The following PRLR variants were observed in gnomAD, a reference collection of about 807,000 sequenced individuals.
The protein encoded by PRLR is hPRL receptor.
In PRLR, 13 loss-of-function variants were observed where a neutral mutation model predicts 40.2. That is an observed-to-expected ratio of 0.32 (90% CI 0.21 to 0.51). The LOEUF (loss-of-function observed/expected upper bound fraction) is 0.51, where lower values mean the gene tolerates loss of function less well. Ranked by LOEUF, PRLR falls within the 20% of genes least tolerant of loss-of-function variation. The probability of loss-of-function intolerance (pLI) is 0.97; values close to 1 mark genes in which losing one functional copy is unlikely to be tolerated. For missense variants in PRLR, 656 were observed against 747.3 expected (o/e 0.88, Z 1.42); for synonymous variants, 269 against 278.7 (o/e 0.97, Z 0.35).
intron 1 of PRLR, among the ~76,000 whole-genome samples, chr5:35,164,109 A>C (rs1774753310): frequency 6.6e-6 from 1 of 152,232 alleles, no homozygotes; most frequent in Admixed American, 6.5e-5. Flanking sequence ...GCTTGGAATA[A>C]TTCTTCAGAT....
At position 35,230,451 on chromosome 5, in the gene PRLR, C is replaced by T. The variant is rs565242602; in HGVS notation, c.-289G>A. The T allele has an allele frequency of 6.6e-6, 1 of 152,460 alleles. No individual in the cohort carries two copies. Among genetic ancestry groups the T allele is most frequent in the Non-Finnish European group, 1.5e-5 (1 of 68,082 alleles). The allele number at this position is 152,460 out of a possible 1,614,324, so 9.4% of individuals were successfully genotyped here. ...GCGTCTGGGGATTTCAGCCTCCGCT[C>T]CCCGGTCCCCAGCCCGGTGGCTCTG... is the stretch of plus-strand genomic sequence containing the variant. On this transcript the variant is annotated 5_prime_UTR_variant, in exon 1 of 10. Transcript: ENST00000618457.
At chr5:35,172,272 C>T (rs899456400) in intron 1 of PRLR, among the ~76,000 whole-genome samples, 4 of 152,200 alleles carry the variant, frequency 2.6e-5, no homozygotes, top group African/African-American at 9.6e-5. Flanking sequence ...CTTCACCCTT[C>T]CTGACCTGCA....
chr5:35,053,518 T>C (rs1374282502), downstream of PRLR, among the ~76,000 whole-genome samples: 4 of 152,116 alleles, frequency 2.6e-5, no homozygotes, highest in Admixed American at 1.3e-4. Flanking sequence ...CTGGGTGTGG[T>C]GGTGTGGGCC....
intron 3 of PRLR, among the ~76,000 whole-genome samples, chr5:35,088,006 G>C (rs562458659): frequency 5.3e-5 from 8 of 152,320 alleles, no homozygotes; most frequent in Non-Finnish European, 7.3e-5. Context: ...CAGGCTCCAA[G>C]GCCAGAGTTT....
At chr5:35,126,430 G>C (rs961378228) in intron 1 of PRLR, among the ~76,000 whole-genome samples, 1 of 152,126 alleles carries the variant, frequency 6.6e-6, no homozygotes, top group Non-Finnish European at 1.5e-5. Context: ...ATCGGTTTTG[G>C]TGACATTATT....
At chr5:35,228,230 T>G (rs200415618) in intron 1 of PRLR, among the ~76,000 whole-genome samples, 3 of 49,736 alleles carry the variant, frequency 6.0e-5, no homozygotes, top group East Asian at 3.8e-4. Context: ...CCAACAACCA[T>G]GCAAAAAAAA....
rs1561253488 is a variant in PRLR at position 35,061,128 on chromosome 5, A to ATATC, written c.*3960_*3961insGATA. On this transcript the variant is annotated 3_prime_UTR_variant, in exon 10 of 10. Transcript: ENST00000618457. ...TACATATCTATATCTATATCTATAT[A>ATATC]TATATATAATCCCTATAAGGCAAAT... 1 of 151,984 alleles carries ATATC rather than the reference A, an allele frequency of 6.6e-6. No individual in the cohort carries two copies. The highest frequency in any genetic ancestry group is 1.5e-5 in the Non-Finnish European group (1 of 68,012). 9.4% of individuals were successfully genotyped at this position (151,984 alleles called of 1,614,324 possible). A position where few individuals can be genotyped will look rare whatever the true frequency, so the allele number is the denominator to read the frequency against.
At chr5:35,102,987 T>TA (rs548673310) in intron 2 of PRLR, among the ~76,000 whole-genome samples, 3 of 152,228 alleles carry the variant, frequency 2.0e-5, no homozygotes, top group Non-Finnish European at 4.4e-5. Flanking sequence ...TGATGTGAAT[T>TA]AAAAAACCCA....
intron 1 of PRLR, among the ~76,000 whole-genome samples, chr5:35,207,786 A>G (rs1466540154): frequency 2.0e-5 from 3 of 152,194 alleles, no homozygotes; most frequent in Non-Finnish European, 4.4e-5. Flanking sequence ...ACACACACGT[A>G]TGCTTTTGTG....
At position 35,089,593 on chromosome 5, in the gene PRLR, C is replaced by T. The variant is rs760520393; in HGVS notation, c.28G>A (p.Val10Ile). The change falls in exon 3 of 10, where the codon GTT (valine) becomes ATT (isoleucine). Residue 10 changes from valine (V) to isoleucine (I), a missense_variant. Val to Ile is a conservative substitution (Grantham distance 29). Around this residue, in one of 3 missense-constraint regions of PRLR, gnomAD observed 180 missense variants for 236.8 expected, o/e 0.76. Transcript: ENST00000618457. ...TTGAGAAAAAGTAGCAGAGTGAAAACGGTTGCAGATGCCACATTTTCCTTC... is the reference window on the plus strand; with the variant it reads ...TTGAGAAAAAGTAGCAGAGTGAAAATGGTTGCAGATGCCACATTTTCCTTC... MKENVASATVFTLLLFLNTC... is the reference protein window; with the variant it reads MKENVASATIFTLLLFLNTC... The T allele has an allele frequency of 8.7e-6, 14 of 1,613,882 alleles. No homozygotes were observed. The highest frequency in any genetic ancestry group is 1.6e-4 in the Middle Eastern group (1 of 6,084).
intron 7 of PRLR, among the ~76,000 whole-genome samples, 194 bp downstream of exon 7, chr5:35,069,930 G>A (rs184031618): frequency 6.6e-6 from 1 of 152,204 alleles, no homozygotes; most frequent in South Asian, 2.1e-4. Flanking sequence ...TCCTAAAATT[G>A]TTCTCCATTG....
At chr5:35,159,429 C>A (rs781211621) in intron 1 of PRLR, among the ~76,000 whole-genome samples, 4 of 151,772 alleles carry the variant, frequency 2.6e-5, no homozygotes, top group East Asian at 1.9e-4. Flanking sequence ...CCTGCATCTG[C>A]TTATAACCCA....
At chr5:35,125,621 G>A (rs147949907) in intron 1 of PRLR, among the ~76,000 whole-genome samples, 20 of 152,280 alleles carry the variant, frequency 1.3e-4, no homozygotes, top group African/African-American at 4.6e-4. Context: ...AGCATTTGAA[G>A]CCACTAATAC....
At chr5:35,140,984 A>G (rs142390002) in intron 1 of PRLR, among the ~76,000 whole-genome samples, 185 of 152,304 alleles carry the variant, frequency 1.2e-3, no homozygotes, top group Non-Finnish European at 1.7e-3. Flanking sequence ...CTGGCCAATA[A>G]GATTTAAATA....
intron 1 of PRLR, among the ~76,000 whole-genome samples, chr5:35,224,231 A>G (rs762355993): frequency 6.6e-5 from 10 of 152,178 alleles, no homozygotes; most frequent in Admixed American, 1.3e-4. Flanking sequence ...TTCTCCCTGC[A>G]TGTGTTTACA....
chr5:35,137,824 ATCGCTTGAACTCGGGAAGCAGAT>A (rs1382760888), intron 1 of PRLR, among the ~76,000 whole-genome samples: 6 of 152,212 alleles, frequency 3.9e-5, no homozygotes, highest in African/African-American at 9.6e-5. Context: ...AGGCAGGAGA[ATCGCTTGAACTCGGGAAGCAGAT>A]TCGCTTGAAC....
chr5:35,219,675 T>A (rs1776369391), intron 1 of PRLR, among the ~76,000 whole-genome samples: 1 of 152,088 alleles, frequency 6.6e-6, no homozygotes. Flanking sequence ...AAAAGCACAG[T>A]AATCAAAAAC....
rs985985352 is a variant in PRLR at position 35,049,080 on chromosome 5, T to C, written c.*207A>G. 13 of 676,276 alleles carry C rather than the reference T, an allele frequency of 1.9e-5. No homozygotes were observed. In the African/African-American group the frequency reaches 2.1e-4, roughly 11 times the overall value. 41.9% of individuals were successfully genotyped at this position (676,276 alleles called of 1,614,324 possible). On this transcript the variant is annotated 3_prime_UTR_variant, in exon 9 of 9. Transcript: ENST00000231423. Reference sequence around the variant, plus strand: ...TACATTCAATATAATTGTCCCTTTTTGTGTGGGTTTCCAGCTCCCAGTCAA... The same window carrying C: ...TACATTCAATATAATTGTCCCTTTTCGTGTGGGTTTCCAGCTCCCAGTCAA...
At chr5:35,114,839 G>T (rs1772913068) in intron 2 of PRLR, among the ~76,000 whole-genome samples, 1 of 152,196 alleles carries the variant, frequency 6.6e-6, no homozygotes. Context: ...TTAACATAAA[G>T]AGTTTGGGTG....
Sources: allele counts gnomAD v4.1 joint callset (sites outside exome capture counted in the v4.1 genomes callset), GRCh38; gene constraint gnomAD v4.1.1; regional missense constraint gnomAD v4.1.1; transcripts MANE v1.5; gene names NCBI Gene and HGNC (gene_info 2026-07-23, HGNC 2026-07-21).